Variants in KCNQ3 observed in about 807,000 individuals in gnomAD.
KCNQ3 encodes the protein potassium voltage-gated channel subfamily KQT member 3.
Under a neutral mutation model 92.5 loss-of-function variants are expected in KCNQ3, and 30 were observed. The observed-to-expected ratio is 0.32, with a 90% CI of 0.24 to 0.44. KCNQ3 has a LOEUF of 0.44. Ranked by LOEUF, KCNQ3 falls within the 20% of genes least tolerant of loss-of-function variation. The pLI is 1.00. For synonymous variants in KCNQ3, 450 were observed against 468.8 expected, an observed-to-expected ratio of 0.96 and a Z score of 0.52; for missense variants, 913 against 1,140.3, an observed-to-expected ratio of 0.80 and a Z score of 2.87.
chr8:132,350,290 G>A (rs1034310821), intron 1 of KCNQ3, among the ~76,000 whole-genome samples: 2 of 152,150 alleles, frequency 1.3e-5, no homozygotes, highest in African/African-American at 4.8e-5. Flanking sequence ...ATGGTGGGGA[G>A]GGGCTAGGAG....
chr8:132,187,770 A>AGTGATAGTGATGGTGGTGGCGGTGGTG lies in KCNQ3; in HGVS notation c.387-1616_387-1590dup, dbSNP rs1563795549. On this transcript the variant is annotated intron_variant, in intron 1 of 14. Coordinates refer to ENST00000388996, the MANE Select transcript of KCNQ3 (RefSeq NM_004519.4). ...TGGTGGTGGTAGTGATGATGGTGGT[A>AGTGATAGTGATGGTGGTGGCGGTGGTG]GTGATAGTGATGGTGGTGGCGGTGG... Among the ~76,000 whole-genome samples, 372 of 91,132 alleles carry AGTGATAGTGATGGTGGTGGCGGTGGTG rather than the reference A, an allele frequency of 4.1e-3. 12 individuals are homozygous for AGTGATAGTGATGGTGGTGGCGGTGGTG. Among genetic ancestry groups the AGTGATAGTGATGGTGGTGGCGGTGGTG allele is most frequent in the African/African-American group, 0.015 (349 of 23,636 alleles). The allele number at this position is 91,132 out of a possible 152,430, so 59.8% of individuals were successfully genotyped here. A position where few individuals can be genotyped will look rare whatever the true frequency, so the allele number is the denominator to read the frequency against.
intron 1 of KCNQ3, among the ~76,000 whole-genome samples, chr8:132,309,614 A>G (rs1817531741): frequency 6.6e-6 from 1 of 152,184 alleles, no homozygotes; most frequent in Non-Finnish European, 1.5e-5. Context: ...GAGCTGCAAC[A>G]CCAAATAGCA....
At chr8:132,396,426 G>GAAA (rs751227909) in intron 1 of KCNQ3, among the ~76,000 whole-genome samples, 1 of 134,218 alleles carries the variant, frequency 7.5e-6, no homozygotes, top group African/African-American at 2.7e-5. Flanking sequence ...TTGGTAACAG[G>GAAA]AAAAAAAAAA....
intron 1 of KCNQ3, among the ~76,000 whole-genome samples, chr8:132,350,685 T>A (rs780075720): frequency 1.3e-5 from 2 of 152,094 alleles, no homozygotes; most frequent in Non-Finnish European, 2.9e-5. Flanking sequence ...TGACAAACAG[T>A]CTAGGGCATC....
At chr8:132,193,303 A>G (rs566927237) in intron 1 of KCNQ3, among the ~76,000 whole-genome samples, 32 of 152,168 alleles carry the variant, frequency 2.1e-4, no homozygotes, top group Non-Finnish European at 3.8e-4. Flanking sequence ...ACCTTCGGCC[A>G]TCTTCCATCC....
intron 1 of KCNQ3, among the ~76,000 whole-genome samples, chr8:132,272,292 G>T (rs1329350824): frequency 6.6e-6 from 1 of 152,212 alleles, no homozygotes; most frequent in Non-Finnish European, 1.5e-5. Context: ...GACTCCAAGG[G>T]CATGGCTGTC....
At chr8:132,192,556 A>G (rs141252542) in intron 1 of KCNQ3, among the ~76,000 whole-genome samples, 84 of 152,026 alleles carry the variant, frequency 5.5e-4, no homozygotes, top group African/African-American at 2.0e-3. Context: ...CTCTCTCTAC[A>G]TTCTCACCAA....
At chr8:132,274,303 C>T (rs1231555472) in intron 1 of KCNQ3, among the ~76,000 whole-genome samples, 1 of 152,130 alleles carries the variant, frequency 6.6e-6, no homozygotes, top group Non-Finnish European at 1.5e-5. Flanking sequence ...ATAGGAACTC[C>T]TCTTTTTAAA....
Position 132,456,925 on chromosome 8 carries a change from G to A in KCNQ3, c.386+23222C>T, listed in dbSNP as rs573306558. Among the ~76,000 whole-genome samples the A allele has an allele frequency of 5.8e-4, 88 of 152,300 alleles. 1 individual carries two copies. The highest frequency in any genetic ancestry group is 2.1e-3 in the African/African-American group (87 of 41,574). On this transcript the variant is annotated intron_variant, in intron 1 of 14. Transcript: ENST00000388996. The stretch of plus-strand genomic sequence containing the variant: ...ACCGCGCCTGGCTGACTTTCTTAAA[G>A]TCATAAAAAACTACTGTGAACTACA...
intron 1 of KCNQ3, chr8:132,447,234 T>C (rs1458397591): frequency 2.0e-6 from 3 of 1,535,550 alleles, no homozygotes; most frequent in Admixed American, 3.9e-5. Context: ...CATAAGGTAA[T>C]GAATGCAAGA....
intron 1 of KCNQ3, among the ~76,000 whole-genome samples, chr8:132,289,492 T>C (rs1184263580): frequency 6.6e-6 from 1 of 152,188 alleles, no homozygotes; most frequent in Non-Finnish European, 1.5e-5. Context: ...GGTTGTATCA[T>C]TCCAAACTCT....
Position 132,129,695 on chromosome 8 carries a change from T to A in KCNQ3, c.2186A>T (p.Lys729Met). The A allele has an allele frequency of 6.2e-7, 1 of 1,614,096 alleles. No individual in the cohort carries two copies. The highest frequency in any genetic ancestry group is 8.5e-7 in the Non-Finnish European group (1 of 1,180,012). The stretch of plus-strand genomic sequence containing the variant: ...TGAGGAAGGAGGAGTTGCCTGAACC[T>A]TTCCAGAACTGGGTCCCCCTCGGGG... ...NLPRGGPSSG[K>M]VQATPPSSAT... Residue 729 changes from lysine to methionine, a missense_variant, in exon 15 of 15, where the codon AAG (lysine) becomes ATG (methionine). This residue lies in a region of KCNQ3 where 375 missense variants were observed against 376.4 expected (regional missense o/e 1.00). Transcript: ENST00000388996. The surrounding 1 kb of genome is among the most constrained non-coding windows in gnomAD (Gnocchi z 5.9).
chr8:132,464,176 C>T lies in KCNQ3; in HGVS notation c.386+15971G>A, dbSNP rs147468046. Among the ~76,000 whole-genome samples the T allele has an allele frequency of 1.2e-3, 187 of 152,316 alleles. 1 individual carries two copies. The highest frequency in any genetic ancestry group is 4.2e-3 in the African/African-American group (176 of 41,564). On this transcript the variant is annotated intron_variant, in intron 1 of 14. Transcript: ENST00000388996. ...GGCCATTTATCTGATACCTACTATA[C>T]GCCCATAAGACTGTATCACAGCCAC...
chr8:132,165,582 C>A (rs16904615), intron 8 of KCNQ3, among the ~76,000 whole-genome samples: 1,981 of 152,288 alleles, frequency 0.013, 40 homozygotes, highest in African/African-American at 0.044. Flanking sequence ...GACAACCACT[C>A]TCACACATTT....
intron 1 of KCNQ3, among the ~76,000 whole-genome samples, chr8:132,247,425 T>A (rs2130427778): frequency 6.6e-6 from 1 of 152,324 alleles, no homozygotes; most frequent in South Asian, 2.1e-4. Flanking sequence ...AACCTTGTTA[T>A]TATCCCTTAA....
At chr8:132,139,958 G>T (rs1825229943) in intron 11 of KCNQ3, 118 bp downstream of exon 11, 2 of 701,150 alleles carry the variant, frequency 2.9e-6, no homozygotes, top group Admixed American at 4.9e-5. Context: ...CAGGGTTAGT[G>T]GAGGGGCTTC....
At chr8:132,320,257 G>A (rs1178914897) in intron 1 of KCNQ3, among the ~76,000 whole-genome samples, 1 of 152,150 alleles carries the variant, frequency 6.6e-6, no homozygotes, top group Non-Finnish European at 1.5e-5. Flanking sequence ...TACCAGATAT[G>A]TGACCTTGCA....
intron 14 of KCNQ3, among the ~76,000 whole-genome samples, chr8:132,130,713 A>T (rs1304385002): frequency 6.6e-6 from 1 of 152,230 alleles, no homozygotes; most frequent in Non-Finnish European, 1.5e-5. Flanking sequence ...TTTCTTCTAC[A>T]TGGTGATTTA....
intron 1 of KCNQ3, among the ~76,000 whole-genome samples, chr8:132,388,826 A>G (rs758575019): frequency 4.6e-5 from 7 of 152,232 alleles, no homozygotes; most frequent in Non-Finnish European, 1.0e-4. Context: ...GAGATTTTAT[A>G]CTTCTACCCA....
Sources: allele counts gnomAD v4.1 joint callset (sites outside exome capture counted in the v4.1 genomes callset), GRCh38; gene constraint gnomAD v4.1.1; regional missense constraint gnomAD v4.1.1; non-coding constraint Gnocchi (gnomAD v3.1); transcripts MANE v1.5; gene names NCBI Gene and HGNC (gene_info 2026-07-23, HGNC 2026-07-21).